CNTNAP3B: variants seen among roughly 807,000 people sequenced by gnomAD.
CNTNAP3B encodes the protein contactin associated protein family member 3B, also known as contactin-associated protein-like 3B.
A neutral mutation model predicts 108.9 loss-of-function variants in CNTNAP3B; 25 were observed. The observed-to-expected ratio is 0.23, with a 90% confidence interval of 0.17 to 0.32. The LOEUF (loss-of-function observed/expected upper bound fraction) is 0.32, where lower values mean the gene tolerates loss of function less well. Ranked by LOEUF, CNTNAP3B falls within the 10% of genes least tolerant of loss-of-function variation. CNTNAP3B has a pLI of 1.00. For synonymous variants in CNTNAP3B, 103 were observed against 473.4 expected, an observed-to-expected ratio of 0.22 and a Z score of 10.16; for missense variants, 252 against 1,210.4, an observed-to-expected ratio of 0.21 and a Z score of 11.75.
At position 42,068,084 on chromosome 9, in the gene CNTNAP3B, C is replaced by T. The variant is rs1269688441; in HGVS notation, c.390+8785G>A. The stretch of plus-strand genomic sequence containing the variant: ...ACTGCTTGAAACAAAACTGCTTAGA[C>T]CAGCACACTTCTCTGATTTGTCAAT... On this transcript the variant is annotated intron_variant, in intron 3 of 23. Transcript: ENST00000377561. 4.5e-5 allele frequency among the ~76,000 whole-genome samples: 6 copies of T among 134,536 alleles called. 2 individuals are homozygous for T. The East Asian group carries it at 1.4e-3, about 31-fold the overall frequency. 88.3% of individuals were successfully genotyped at this position (134,536 alleles called of 152,430 possible). A position where few individuals can be genotyped will look rare whatever the true frequency, so the allele number is the denominator to read the frequency against.
chr9:42,064,580 AC>A (rs1331072397), intron 3 of CNTNAP3B, among the ~76,000 whole-genome samples: 1 of 102,498 alleles, frequency 9.8e-6, no homozygotes, highest in African/African-American at 4.3e-5. Context: ...CTAAACAGTT[AC>A]TTTTTCAACC....
chr9:42,103,574 A>T lies in CNTNAP3B; in HGVS notation c.196+1055T>A, dbSNP rs1364602015. Among the ~76,000 whole-genome samples the T allele has an allele frequency of 4.1e-5, 5 of 121,862 alleles. 1 individual carries two copies. Among genetic ancestry groups the T allele is most frequent in the East Asian group, 2.8e-4 (1 of 3,630 alleles). The allele number at this position is 121,862 out of a possible 152,430, so 79.9% of individuals were successfully genotyped here. On this transcript the variant is annotated intron_variant, in intron 2 of 23. Coordinates refer to ENST00000377561, the MANE Select transcript of CNTNAP3B (RefSeq NM_001201380.3). ...CCGTCCCTGCTAAAAAAAAAAAAAA[A>T]AATACAAAAAATTAGTCAGGCCTGG...
chr9:42,116,859 A>T (rs1587285063), intron 1 of CNTNAP3B, among the ~76,000 whole-genome samples: 1 of 138,190 alleles, frequency 7.2e-6, no homozygotes. Context: ...ACAAAAAAAA[A>T]GCAGGGGTTG....
intron 9 of CNTNAP3B, among the ~76,000 whole-genome samples, chr9:41,971,049 G>A (rs1339305715): frequency 7.4e-5 from 11 of 148,986 alleles, no homozygotes; most frequent in East Asian, 3.9e-4. Flanking sequence ...CACTACAATC[G>A]TCAGCTAATT....
intron 14 of CNTNAP3B, among the ~76,000 whole-genome samples, chr9:41,931,548 A>G (rs1823977768): frequency 1.3e-5 from 2 of 152,114 alleles, no homozygotes; most frequent in African/African-American, 4.8e-5. Context: ...GAAAAAATAC[A>G]CTTAATGGTA....
Position 42,044,955 on chromosome 9 carries a change from G to A in CNTNAP3B, c.391-31430C>T, listed in dbSNP as rs1287130313. Among the ~76,000 whole-genome samples, 15 of 102,684 alleles carry A rather than the reference G, an allele frequency of 1.5e-4. 1 individual carries two copies. The highest frequency in any genetic ancestry group is 5.8e-4 in the South Asian group (2 of 3,470). The allele number at this position is 102,684 out of a possible 152,430, so 67.4% of individuals were successfully genotyped here. On this transcript the variant is annotated intron_variant, in intron 3 of 23. Transcript: ENST00000377561. Reference sequence around the variant, plus strand: ...ATTTTGCCAATTTATAATTACACTCGTAACATATAAGCTGTTTCATACTTT... The same window carrying A: ...ATTTTGCCAATTTATAATTACACTCATAACATATAAGCTGTTTCATACTTT...
At chr9:42,111,051 G>A (rs1193796391) in intron 1 of CNTNAP3B, among the ~76,000 whole-genome samples, 1 of 138,040 alleles carries the variant, frequency 7.2e-6, no homozygotes, top group Non-Finnish European at 1.5e-5. Context: ...TCACTCCATG[G>A]GGTCTGAAGG....
rs1031527893 is a variant in CNTNAP3B, at chr9:41,968,463, C to T, written c.1649+1611G>A. 7.1e-5 allele frequency among the ~76,000 whole-genome samples: 10 copies of T among 140,602 alleles called. 1 individual carries two copies. The highest frequency in any genetic ancestry group is 2.0e-4 in the African/African-American group (7 of 35,662). The allele number at this position is 140,602 out of a possible 152,430, so 92.2% of individuals were successfully genotyped here. Reference sequence around the variant, plus strand: ...ATGTAAATGCAGTCCCAGCTGTGTGCCAAGAATTCAAATCTCAAGGTCAAG... The same window carrying T: ...ATGTAAATGCAGTCCCAGCTGTGTGTCAAGAATTCAAATCTCAAGGTCAAG... On this transcript the variant is annotated intron_variant, in intron 10 of 23. Coordinates refer to ENST00000377561, the MANE Select transcript of CNTNAP3B (RefSeq NM_001201380.3).
intron 10 of CNTNAP3B, among the ~76,000 whole-genome samples, chr9:41,967,428 C>T (rs1217625324): frequency 2.0e-5 from 3 of 151,122 alleles, no homozygotes; most frequent in African/African-American, 4.9e-5. Context: ...TGTGAGGTCT[C>T]CCCAGCCATG....
intron 1 of CNTNAP3B, among the ~76,000 whole-genome samples, chr9:42,121,166 C>G (rs1828454276): frequency 7.2e-6 from 1 of 137,950 alleles, no homozygotes; most frequent in South Asian, 2.4e-4. Flanking sequence ...CCCCTGCTGT[C>G]TCTCAGAGGC....
rs1554755517 is a variant in CNTNAP3B at position 42,086,431 on chromosome 9, CT to C, written c.197-9370del. 3.5e-4 allele frequency among the ~76,000 whole-genome samples: 44 copies of C among 125,784 alleles called. 2 individuals carry two copies. Among genetic ancestry groups the C allele is most frequent in the Admixed American group, 4.9e-4 (6 of 12,316 alleles). The allele number at this position is 125,784 out of a possible 152,430, so 82.5% of individuals were successfully genotyped here. A position where few individuals can be genotyped will look rare whatever the true frequency, so the allele number is the denominator to read the frequency against. On this transcript the variant is annotated intron_variant, in intron 2 of 23. Coordinates refer to ENST00000377561, the MANE Select transcript of CNTNAP3B (RefSeq NM_001201380.3). ...TACATTTTTTACATTTTTGCATTTA[CT>C]TTTTTTTTTTACATTTTTTTTTACA... is the stretch of plus-strand genomic sequence containing the variant.
chr9:41,977,968 T>A, intron 9 of CNTNAP3B, among the ~76,000 whole-genome samples: 1 of 135,984 alleles, frequency 7.4e-6, no homozygotes, highest in African/African-American at 2.9e-5. Context: ...CCAACATAAT[T>A]TTAAAAGGAT....
intron 2 of CNTNAP3B, among the ~76,000 whole-genome samples, chr9:42,098,801 A>C (rs1172446444): frequency 7.7e-6 from 1 of 130,492 alleles, no homozygotes; most frequent in Non-Finnish European, 1.6e-5. Flanking sequence ...GAGTTGAGAT[A>C]ATTATTTGTG....
intron 7 of CNTNAP3B, among the ~76,000 whole-genome samples, chr9:41,995,943 G>A (rs369850821): frequency 0.011 from 1,631 of 144,870 alleles, 27 homozygotes; most frequent in South Asian, 0.047. Flanking sequence ...GGCTGAGGCA[G>A]GAGAATTGCT....
intron 1 of CNTNAP3B, among the ~76,000 whole-genome samples, chr9:42,120,037 C>A (rs985775641): frequency 4.7e-5 from 7 of 149,518 alleles, no homozygotes; most frequent in African/African-American, 1.8e-4. Flanking sequence ...AGTGAACAGG[C>A]AACCTACAGA....
chr9:42,092,192 A>AATC (rs1197047934), intron 2 of CNTNAP3B, among the ~76,000 whole-genome samples: 1 of 42,726 alleles, frequency 2.3e-5, no homozygotes, highest in East Asian at 1.2e-3. Context: ...CACAGTCAAC[A>AATC]ATCATCATCA....
intron 10 of CNTNAP3B, among the ~76,000 whole-genome samples, chr9:41,967,515 A>G (rs1825317498): frequency 1.3e-5 from 2 of 152,286 alleles, no homozygotes; most frequent in Admixed American, 1.3e-4. Flanking sequence ...CAGCATGAGA[A>G]CAGACTAATA....
intron 1 of CNTNAP3B, among the ~76,000 whole-genome samples, chr9:42,107,808 T>C (rs1828111787): frequency 7.5e-6 from 1 of 133,144 alleles, no homozygotes; most frequent in Non-Finnish European, 1.6e-5. Flanking sequence ...ACCCCGTCTC[T>C]ACTAAAAATA....
intron 13 of CNTNAP3B, among the ~76,000 whole-genome samples, chr9:41,940,170 T>G (rs1479711832): frequency 5.3e-5 from 8 of 152,284 alleles, no homozygotes; most frequent in Non-Finnish European, 1.2e-4. Context: ...GAACAAAGTG[T>G]GCTGAAAGAG....
Sources: allele counts gnomAD v4.1 joint callset (sites outside exome capture counted in the v4.1 genomes callset), GRCh38; gene constraint gnomAD v4.1.1; transcripts MANE v1.5; gene names NCBI Gene and HGNC (gene_info 2026-07-23, HGNC 2026-07-21).